The following MACROD1 variants were observed in gnomAD, a reference collection of about 807,000 sequenced individuals.
The protein encoded by MACROD1 is ADP-ribose glycohydrolase MACROD1.
In MACROD1, 31 loss-of-function variants were observed where a neutral mutation model predicts 41.4. The ratio of observed to expected loss-of-function variants is 0.75; its 90% CI spans 0.56 to 1.01. The LOEUF (loss-of-function observed/expected upper bound fraction) is 1.01, where lower values mean the gene tolerates loss of function less well. MACROD1 is among the 50% of genes least tolerant of loss of function. MACROD1 has a pLI of 0.00. For synonymous variants in MACROD1, 252 were observed against 203.4 expected (o/e 1.24, Z -2.03); for missense variants, 473 against 460.0 (o/e 1.03, Z -0.26).
chr11:64,114,093 T>C (rs923478262), intron 3 of MACROD1, among the ~76,000 whole-genome samples: 1 of 141,916 alleles, frequency 7.0e-6, no homozygotes, highest in African/African-American at 2.8e-5. Flanking sequence ...GATGGATGGA[T>C]GGACAGGTGG....
chr11:64,043,904 A>C (rs746797025), intron 3 of MACROD1, among the ~76,000 whole-genome samples: 40 of 151,306 alleles, frequency 2.6e-4, no homozygotes, highest in Non-Finnish European at 5.6e-4. Context: ...CTCTGTCTGC[A>C]ACAGGTTCAA....
chr11:64,101,218 A>G (rs1984852), intron 3 of MACROD1, among the ~76,000 whole-genome samples: 99,086 of 151,850 alleles, frequency 0.65, 32,835 homozygotes, highest in African/African-American at 0.7. Context: ...GAGCCAGCTC[A>G]GGGCATTAGT....
At chr11:64,010,697 A>G (rs35492216) in intron 4 of MACROD1, among the ~76,000 whole-genome samples, 67,883 of 134,936 alleles carry the variant, frequency 0.5, 16,279 homozygotes, top group African/African-American at 0.63. Flanking sequence ...GTTGGCTGGC[A>G]TGTTGGCTGG....
intron 3 of MACROD1, among the ~76,000 whole-genome samples, chr11:64,134,810 C>T (rs1945310804): frequency 1.3e-5 from 2 of 152,206 alleles, no homozygotes; most frequent in South Asian, 2.1e-4. Context: ...CCGGGAATTG[C>T]CTGTCCACAT....
intron 3 of MACROD1, among the ~76,000 whole-genome samples, chr11:64,141,215 T>C (rs1945408384): frequency 6.6e-6 from 1 of 152,196 alleles, no homozygotes; most frequent in Non-Finnish European, 1.5e-5. Flanking sequence ...GCCTGGGTCC[T>C]TGACTGTTAA....
At chr11:64,009,947 C>G (rs1942974058) in intron 4 of MACROD1, among the ~76,000 whole-genome samples, 1 of 152,252 alleles carries the variant, frequency 6.6e-6, no homozygotes, top group African/African-American at 2.4e-5. Context: ...CTACCCACAC[C>G]AGGGTGTTGG....
intron 1 of MACROD1, among the ~76,000 whole-genome samples, chr11:64,156,949 G>C (rs1357308338): frequency 6.6e-6 from 1 of 152,216 alleles, no homozygotes; most frequent in African/African-American, 2.4e-5. Context: ...TGATTTATGG[G>C]GAAAGAAAAG....
At position 64,025,716 on chromosome 11, in the gene MACROD1, C is replaced by T. The variant is rs1290992955; in HGVS notation, c.518-10435G>A. ...CCACACTGCTCTCATGGGCCCCCCCCGCTCCTTTTTTTTTTTTTTCAGACG... is the reference window on the plus strand; with the variant it reads ...CCACACTGCTCTCATGGGCCCCCCCTGCTCCTTTTTTTTTTTTTTCAGACG... On this transcript the variant is annotated intron_variant, in intron 3 of 10. Coordinates refer to ENST00000255681, the MANE Select transcript of MACROD1 (RefSeq NM_014067.4). 5.0e-5 allele frequency among the ~76,000 whole-genome samples: 7 copies of T among 139,202 alleles called. No homozygotes were observed. The East Asian group carries it at 7.9e-4, about 16-fold the overall frequency. The allele number at this position is 139,202 out of a possible 152,430, so 91.3% of individuals were successfully genotyped here.
intron 3 of MACROD1, among the ~76,000 whole-genome samples, chr11:64,121,335 G>A (rs893034037): frequency 1.3e-5 from 2 of 152,236 alleles, no homozygotes; most frequent in Non-Finnish European, 2.9e-5. Flanking sequence ...CTGCCTCATC[G>A]TGGGGATCAC....
chr11:64,050,580 C>T (rs1402886155), intron 3 of MACROD1, among the ~76,000 whole-genome samples: 1 of 152,218 alleles, frequency 6.6e-6, no homozygotes, highest in Non-Finnish European at 1.5e-5. Flanking sequence ...TAAGGACAGG[C>T]CTGGCACACA....
chr11:64,082,739 C>T lies in MACROD1; in HGVS notation c.518-67458G>A, dbSNP rs1358553468. Among the ~76,000 whole-genome samples the T allele has an allele frequency of 6.6e-6, 1 of 152,168 alleles. No individual in the cohort carries two copies. The highest frequency in any genetic ancestry group is 1.9e-4 in the East Asian group (1 of 5,190). ...AATGTGGAGCATCCTCCTGAGAGGA[C>T]TCAGAGGGGATTCCTGGGCCTTGGC... On this transcript the variant is annotated intron_variant, in intron 3 of 10. Transcript: ENST00000255681. The surrounding 1 kb of genome is among the most constrained non-coding windows in gnomAD (Gnocchi z 4.5).
intron 3 of MACROD1, among the ~76,000 whole-genome samples, chr11:64,110,888 T>C (rs928785620): frequency 6.6e-6 from 1 of 152,092 alleles, no homozygotes; most frequent in African/African-American, 2.4e-5. Context: ...CGTGCTATCT[T>C]CCTCCCCACC....
rs543826477 is a variant in MACROD1 at position 64,025,648 on chromosome 11, GTTA to G, written c.518-10370_518-10368del. ...TATAAACGGGAGCTCCCGGTTTGCT[GTTA>G]TTATTCATTGCAATGCTTGTAAGAT... is the stretch of plus-strand genomic sequence containing the variant. On this transcript the variant is annotated intron_variant, in intron 3 of 10. Transcript: ENST00000255681. Among the ~76,000 whole-genome samples, 23 of 151,718 alleles carry G rather than the reference GTTA, an allele frequency of 1.5e-4. No homozygotes were observed. The East Asian group carries it at 4.5e-3, about 29-fold the overall frequency.
At chr11:64,021,243 A>T (rs565629510) in intron 3 of MACROD1, among the ~76,000 whole-genome samples, 2 of 152,250 alleles carry the variant, frequency 1.3e-5, no homozygotes, top group East Asian at 3.9e-4. Context: ...CATGCAGGGG[A>T]GCCCACCCTG....
chr11:64,153,278 G>A (rs1345685286), intron 1 of MACROD1, among the ~76,000 whole-genome samples: 1 of 152,198 alleles, frequency 6.6e-6, no homozygotes, highest in Non-Finnish European at 1.5e-5. Context: ...ACACCCAGGC[G>A]CTCAGCCCAG....
intron 3 of MACROD1, among the ~76,000 whole-genome samples, chr11:64,143,749 C>CACAT (rs199987280): frequency 1.1e-5 from 1 of 92,210 alleles, no homozygotes; most frequent in South Asian, 3.1e-4. Context: ...CCCCGACACA[C>CACAT]ACATACACAC....
At chr11:64,034,918 G>C (rs1387672576) in intron 3 of MACROD1, among the ~76,000 whole-genome samples, 1 of 152,166 alleles carries the variant, frequency 6.6e-6, no homozygotes, top group Non-Finnish European at 1.5e-5. Flanking sequence ...GTGTCCCAGC[G>C]AATGCCAAGA....
chr11:64,004,132 G>A (rs1300460095), intron 4 of MACROD1, among the ~76,000 whole-genome samples: 1 of 152,214 alleles, frequency 6.6e-6, no homozygotes, highest in Non-Finnish European at 1.5e-5. Flanking sequence ...CTGCTTTGCT[G>A]TGGTAAAGCC....
At chr11:64,093,667 G>C (rs1337807512) in intron 3 of MACROD1, among the ~76,000 whole-genome samples, 1 of 152,206 alleles carries the variant, frequency 6.6e-6, no homozygotes, top group African/African-American at 2.4e-5. Flanking sequence ...CCCTGGACAG[G>C]GCTGAACAAG....
Sources: gnomAD v4.1 joint callset for allele counts (sites outside exome capture counted in the v4.1 genomes callset) on GRCh38, gnomAD v4.1.1 for gene constraint, Gnocchi (gnomAD v3.1) non-coding constraint, MANE v1.5 for transcripts, NCBI Gene and HGNC (gene_info 2026-07-23, HGNC 2026-07-21) for gene names.